Variants in CNTNAP2 observed in about 807,000 individuals in gnomAD.
CNTNAP2 encodes contactin-associated protein-like 2.
In CNTNAP2, 98 loss-of-function variants were observed where a neutral mutation model predicts 155.2. The observed-to-expected ratio is 0.63, with a 90% CI of 0.54 to 0.75. The LOEUF is 0.75. CNTNAP2 is among the 30% of genes least tolerant of loss of function. The probability of loss-of-function intolerance (pLI) is 0.00; values close to 1 mark genes in which losing one functional copy is unlikely to be tolerated. For missense variants in CNTNAP2, 1,727 were observed against 1,688.1 expected, an observed-to-expected ratio of 1.02 and a Z score of -0.40; for synonymous variants, 651 against 631.2, an observed-to-expected ratio of 1.03 and a Z score of -0.47.
intron 12 of CNTNAP2, among the ~76,000 whole-genome samples, chr7:147,628,184 G>A (rs1236744224): frequency 6.6e-6 from 1 of 152,126 alleles, no homozygotes; most frequent in African/African-American, 2.4e-5. Flanking sequence ...TAGTCATTAG[G>A]TTATCTAAAG....
chr7:147,246,363 G>T (rs1804068797), intron 8 of CNTNAP2, among the ~76,000 whole-genome samples: 1 of 152,052 alleles, frequency 6.6e-6, no homozygotes, highest in Non-Finnish European at 1.5e-5. Flanking sequence ...TCAATAAGAA[G>T]GATGTCTTAG....
rs372985040 is a variant in CNTNAP2 at position 146,785,616 on chromosome 7, T to C, written c.208+11235T>C. On this transcript the variant is annotated intron_variant, in intron 2 of 23. Coordinates refer to ENST00000361727, the MANE Select transcript of CNTNAP2 (RefSeq NM_014141.6). Reference sequence around the variant, plus strand: ...TTCCAAAAAACTATCTCACAAATTGTTTGGTCACTGTCGTAGCCAATTGGA... The same window carrying C: ...TTCCAAAAAACTATCTCACAAATTGCTTGGTCACTGTCGTAGCCAATTGGA... Among the ~76,000 whole-genome samples the C allele has an allele frequency of 3.9e-5, 6 of 152,352 alleles. No individual in the cohort carries two copies. The South Asian group carries it at 1.2e-3, about 32-fold the overall frequency.
intron 2 of CNTNAP2, among the ~76,000 whole-genome samples, chr7:146,826,613 G>T (rs987528687): frequency 6.6e-6 from 1 of 152,010 alleles, no homozygotes; most frequent in East Asian, 1.9e-4. Flanking sequence ...ATGTTCACAG[G>T]AGGGGATGTG....
chr7:146,552,371 A>G (rs559213780), intron 1 of CNTNAP2, among the ~76,000 whole-genome samples: 1 of 152,222 alleles, frequency 6.6e-6, no homozygotes, highest in South Asian at 2.1e-4. Context: ...TGGTGCTATC[A>G]TTGTCTCTTC....
chr7:146,541,083 C>G (rs1240754035), intron 1 of CNTNAP2, among the ~76,000 whole-genome samples: 4 of 151,942 alleles, frequency 2.6e-5, no homozygotes, highest in Non-Finnish European at 5.9e-5. Context: ...TCAGAACATA[C>G]TGAAACAGAA....
At chr7:146,424,570 G>C (rs1404384075) in intron 1 of CNTNAP2, among the ~76,000 whole-genome samples, 1 of 151,880 alleles carries the variant, frequency 6.6e-6, no homozygotes, top group Non-Finnish European at 1.5e-5. Context: ...AGGAAAGCCA[G>C]GTATTCAGTA....
intron 1 of CNTNAP2, among the ~76,000 whole-genome samples, chr7:146,473,637 T>TA (rs1434287245): frequency 6.6e-6 from 1 of 152,204 alleles, no homozygotes; most frequent in Non-Finnish European, 1.5e-5. Flanking sequence ...AAACTATTTT[T>TA]ATCACAGTCT....
chr7:147,223,151 C>T lies in CNTNAP2; in HGVS notation c.1349-76990C>T, dbSNP rs79473229. Among the ~76,000 whole-genome samples, 566 of 152,318 alleles carry T rather than the reference C, an allele frequency of 3.7e-3. 5 individuals are homozygous for T. The highest frequency in any genetic ancestry group is 0.013 in the African/African-American group (540 of 41,568). On this transcript the variant is annotated intron_variant, in intron 8 of 23. Transcript: ENST00000361727. Reference sequence around the variant, plus strand: ...TCCTCCTGGAGTTTTAACTCTCAGACTCCTTCATACTTAGCCTCTAGCAAT... The same window carrying T: ...TCCTCCTGGAGTTTTAACTCTCAGATTCCTTCATACTTAGCCTCTAGCAAT...
chr7:147,739,441 A>G (rs1796918909), intron 13 of CNTNAP2, among the ~76,000 whole-genome samples: 1 of 152,156 alleles, frequency 6.6e-6, no homozygotes, highest in Non-Finnish European at 1.5e-5. Context: ...GATATAAGCT[A>G]TTGACATGTT....
chr7:146,484,678 C>G (rs944265743), intron 1 of CNTNAP2, among the ~76,000 whole-genome samples: 1 of 152,094 alleles, frequency 6.6e-6, no homozygotes, highest in African/African-American at 2.4e-5. Flanking sequence ...TACATGTCTG[C>G]TTTGAAAGCA....
At chr7:146,450,971 G>A (rs970500089) in intron 1 of CNTNAP2, among the ~76,000 whole-genome samples, 4 of 115,362 alleles carry the variant, frequency 3.5e-5, no homozygotes, top group African/African-American at 1.1e-4. Flanking sequence ...ATTTGAGACG[G>A]AGTCTTGCCC....
At position 148,357,085 on chromosome 7, in the gene CNTNAP2, C is replaced by A. The variant is rs996552561; in HGVS notation, c.3476-26564C>A. 2.6e-5 allele frequency among the ~76,000 whole-genome samples: 4 copies of A among 152,230 alleles called. No homozygotes were observed. The South Asian group carries it at 6.2e-4, about 24-fold the overall frequency. On this transcript the variant is annotated intron_variant, in intron 21 of 23. Coordinates refer to ENST00000361727, the MANE Select transcript of CNTNAP2 (RefSeq NM_014141.6). Reference sequence around the variant, plus strand: ...ATGATATGGTTTGACTGTGTCCCCACCCAAATCTCATCTTGAATTGTAGCT... The same window carrying A: ...ATGATATGGTTTGACTGTGTCCCCAACCAAATCTCATCTTGAATTGTAGCT...
At chr7:147,444,501 T>C (rs1285291023) in intron 10 of CNTNAP2, among the ~76,000 whole-genome samples, 1 of 151,468 alleles carries the variant, frequency 6.6e-6, no homozygotes, top group Non-Finnish European at 1.5e-5. Context: ...TCATAACGTA[T>C]TTCTTTTAGT....
At chr7:147,886,096 G>A (rs1446989948) in intron 13 of CNTNAP2, among the ~76,000 whole-genome samples, 1 of 152,096 alleles carries the variant, frequency 6.6e-6, no homozygotes, top group Non-Finnish European at 1.5e-5. Context: ...AAGAGGTGGG[G>A]CCTTAGCTAG....
chr7:147,347,457 CATATATATAT>C (rs60963934), intron 9 of CNTNAP2, among the ~76,000 whole-genome samples: 6 of 50,002 alleles, frequency 1.2e-4, no homozygotes, highest in African/African-American at 1.6e-4. Context: ...TATATATATG[CATATATATAT>C]ATATATATGC....
At chr7:147,334,222 C>T (rs949096812) in intron 9 of CNTNAP2, among the ~76,000 whole-genome samples, 1 of 152,246 alleles carries the variant, frequency 6.6e-6, no homozygotes, top group South Asian at 2.1e-4. Context: ...CTGCCTCCTC[C>T]TTCCTCTTCA....
At chr7:146,530,472 A>G (rs1179316735) in intron 1 of CNTNAP2, among the ~76,000 whole-genome samples, 1 of 152,200 alleles carries the variant, frequency 6.6e-6, no homozygotes, top group Non-Finnish European at 1.5e-5. Context: ...ATAGTTACAA[A>G]CTGTGCATCC....
chr7:146,712,252 AATATGTATACATATCTTATGTATACAT>A (rs1280191975), intron 1 of CNTNAP2, among the ~76,000 whole-genome samples: 291 of 50,962 alleles, frequency 5.7e-3, no homozygotes, highest in Non-Finnish European at 8.0e-3. Context: ...TATGTATACA[AATATGTATACATATCTTATGTATACAT>A]ATATGTATAC....
intron 1 of CNTNAP2, among the ~76,000 whole-genome samples, chr7:146,219,301 C>T (rs1799168820): frequency 6.6e-6 from 1 of 152,134 alleles, no homozygotes; most frequent in Admixed American, 6.6e-5. Flanking sequence ...AATGAATACA[C>T]ATGCCTTCAT....
Sources: gnomAD v4.1 joint callset for allele counts (sites outside exome capture counted in the v4.1 genomes callset) on GRCh38, gnomAD v4.1.1 for gene constraint, MANE v1.5 for transcripts, NCBI Gene and HGNC (gene_info 2026-07-23, HGNC 2026-07-21) for gene names.